Variants in TMEM101 observed in about 807,000 individuals in gnomAD.
TMEM101 encodes putative NF-kappa-B-activating protein 130.
TMEM101 carries 14 observed loss-of-function variants against 26.0 expected under a neutral mutation model. The ratio of observed to expected loss-of-function variants is 0.54; its 90% CI spans 0.36 to 0.84. TMEM101 has a LOEUF of 0.84. Among genes scored for constraint, TMEM101 ranks in the 40% least tolerant of loss-of-function variants. TMEM101 has a pLI of 0.01. For synonymous variants in TMEM101, 152 were observed against 145.1 expected, an observed-to-expected ratio of 1.05 and a Z score of -0.34; for missense variants, 292 against 345.1, an observed-to-expected ratio of 0.85 and a Z score of 1.22.
At chr17:44,017,380 C>G (rs1370145750), upstream of TMEM101, among the ~76,000 whole-genome samples, 4 of 151,230 alleles carry the variant, frequency 2.6e-5, no homozygotes, top group Admixed American at 6.6e-5. Flanking sequence ...ATCACGAGGT[C>G]AGGAGATCGA....
At chr17:44,020,110 T>C (rs1285201574) in intron 2 of TMEM101, among the ~76,000 whole-genome samples, 1 of 152,166 alleles carries the variant, frequency 6.6e-6, no homozygotes, top group African/African-American at 2.4e-5. Context: ...GGGAGAATAC[T>C]GTGATAGGGT....
At chr17:44,017,150 C>G (rs1371607187), upstream of TMEM101, among the ~76,000 whole-genome samples, 1 of 62,112 alleles carries the variant, frequency 1.6e-5, no homozygotes, top group East Asian at 8.7e-4. Flanking sequence ...GAGACTCTGT[C>G]TCAAAAAAAA....
chr17:44,017,270 G>A (rs2631307), upstream of TMEM101, among the ~76,000 whole-genome samples: 117,730 of 151,690 alleles, frequency 0.78, 46,271 homozygotes, highest in East Asian at 0.93. Context: ...CGAGACCAGC[G>A]TGGCCAACAT....
chr17:44,014,470 T>C lies in TMEM101; in HGVS notation c.205A>G (p.Met69Val), dbSNP rs762678716. 2.0e-5 allele frequency: 31 copies of C among 1,564,008 alleles called. No homozygotes were observed. Among genetic ancestry groups the C allele is most frequent in the African/African-American group, 2.7e-5 (2 of 74,098 alleles). ...CAGCGCCGCTTCACGCCAAAGGACA[T>C]GAAACTAGCGCACAGCACGGCTGCC... ...MGAAVLCASF[M>V]SFGVKRRWFA... Residue 69 changes from methionine (M) to valine (V), a missense_variant, in exon 2 of 4, where the codon ATG becomes GTG. Met to Val is a conservative substitution (Grantham distance 21, BLOSUM62 1). Around this residue, in one of 2 missense-constraint regions of TMEM101, gnomAD observed 143 missense variants for 133.2 expected, o/e 1.07. Transcript: ENST00000206380.
chr17:44,013,502 T>C (rs2049188345), intron 2 of TMEM101, among the ~76,000 whole-genome samples: 1 of 151,898 alleles, frequency 6.6e-6, no homozygotes. Context: ...CTACTGAAAA[T>C]ACAAAAATTA....
At chr17:44,014,616 C>G in intron 1 of TMEM101, 79 bp from the exon 2 acceptor site, 1 of 1,536,686 alleles carries the variant, frequency 6.5e-7, no homozygotes, top group Middle Eastern at 1.7e-4. Flanking sequence ...TGAGTTCCCA[C>G]AGGCTCCACT....
rs376217995 is a variant in TMEM101, at chr17:44,012,463, G to A, written c.466-227C>T. On this transcript the variant is annotated intron_variant, in intron 3 of 3. Transcript: ENST00000206380. ...TCACCCTAGGGGCTATGAAGGAAGT[G>A]TATTTCCACAGTCAGACTAGAGCTC... The A allele has an allele frequency of 1.1e-4, 64 of 557,982 alleles. 1 individual carries two copies. The highest frequency in any genetic ancestry group is 9.9e-4 in the East Asian group (34 of 34,298). 34.6% of individuals were successfully genotyped at this position (557,982 alleles called of 1,614,324 possible). A position where few individuals can be genotyped will look rare whatever the true frequency, so the allele number is the denominator to read the frequency against.
chr17:44,019,050 A>G (rs1386342868), upstream of TMEM101, among the ~76,000 whole-genome samples: 1 of 152,068 alleles, frequency 6.6e-6, no homozygotes, highest in East Asian at 1.9e-4. Flanking sequence ...AGTTCCTCCT[A>G]CCCCTGCCTA....
At chr17:44,012,564 C>G (rs948574770) in intron 3 of TMEM101, 5 of 399,430 alleles carry the variant, frequency 1.3e-5, no homozygotes, top group African/African-American at 1.0e-4. Flanking sequence ...ACCTAATGGC[C>G]TGGCGCCTGT....
intron 2 of TMEM101, among the ~76,000 whole-genome samples, chr17:44,020,703 CAG>C (rs1427779510): frequency 6.6e-6 from 1 of 152,236 alleles, no homozygotes; most frequent in Non-Finnish European, 1.5e-5. Flanking sequence ...GCCTGGGCGA[CAG>C]AGAGACACTC....
At position 44,014,418 on chromosome 17, in the gene TMEM101, A is replaced by G; in HGVS notation, c.257T>C (p.Leu86Ser). The G allele has an allele frequency of 2.6e-6, 4 of 1,556,780 alleles. No homozygotes were observed. The highest frequency in any genetic ancestry group is 2.6e-6 in the Non-Finnish European group (3 of 1,149,772). Reference sequence around the variant, plus strand: ...GTAGGCGGCGTAGGTGCTAATGGCCAATTGGAGTGCGGCCCCCAGCGCGAA... The same window carrying G: ...GTAGGCGGCGTAGGTGCTAATGGCCGATTGGAGTGCGGCCCCCAGCGCGAA... ...RWFALGAALQLAISTYAAYIG... is the reference protein window; with the variant it reads ...RWFALGAALQSAISTYAAYIG... The change falls in exon 2 of 4, where the codon TTG becomes TCG. Residue 86 changes from leucine (L) to serine (S), a missense_variant. By Grantham distance (145) the Leu-to-Ser change is moderately radical. Around this residue, in one of 2 missense-constraint regions of TMEM101, gnomAD observed 143 missense variants for 133.2 expected, o/e 1.07. Coordinates refer to ENST00000206380, the MANE Select transcript of TMEM101 (RefSeq NM_032376.4).
chr17:44,021,858 G>A (rs1249160963), intron 1 of TMEM101, among the ~76,000 whole-genome samples: 2 of 152,190 alleles, frequency 1.3e-5, no homozygotes, highest in Non-Finnish European at 2.9e-5. Flanking sequence ...GCCGGCCTCT[G>A]GCAGCTTCCA....
chr17:44,017,605 A>C (rs1358062289), upstream of TMEM101, among the ~76,000 whole-genome samples: 6 of 150,346 alleles, frequency 4.0e-5, no homozygotes, highest in African/African-American at 1.2e-4. Context: ...AAAAAAAAAA[A>C]AAAAAAAAAA....
Position 44,012,180 on chromosome 17 carries a change from T to G in TMEM101, c.522A>C (p.Pro174=). The G allele has an allele frequency of 2.5e-6, 4 of 1,614,164 alleles. No homozygotes were observed. The highest frequency in any genetic ancestry group is 3.4e-6 in the Non-Finnish European group (4 of 1,180,016). ...ACAGCTGGATCATCAGCTCCCCTCC[T>G]GGGAGATGGTTCAGATACGCCAGCC... ...EDRLAYLNHL[P]GGELMIQLFF... is the part of the protein sequence containing the mutation. Residue 174 remains proline, a synonymous_variant, in exon 4 of 4, where the codon CCA becomes CCC. Transcript: ENST00000206380.
chr17:44,016,100 TAG>T (rs1048943863), upstream of TMEM101, among the ~76,000 whole-genome samples: 4 of 136,854 alleles, frequency 2.9e-5, no homozygotes, highest in Non-Finnish European at 4.5e-5. Context: ...GGCAATTAGA[TAG>T]ATAGATAGAT....
At chr17:44,016,957 ACC>A (rs1332703322), upstream of TMEM101, among the ~76,000 whole-genome samples, 1 of 151,700 alleles carries the variant, frequency 6.6e-6, no homozygotes, top group East Asian at 1.9e-4. Context: ...AGATGGTGAA[ACC>A]CCGTCTCTAC....
chr17:44,020,675 T>C (rs1035884444), intron 2 of TMEM101, among the ~76,000 whole-genome samples: 2 of 152,338 alleles, frequency 1.3e-5, no homozygotes, highest in African/African-American at 4.8e-5. Context: ...TGAGCCAAGA[T>C]CGTGCCACTG....
chr17:44,019,339 G>A (rs1451724051), upstream of TMEM101: 2 of 436,032 alleles, frequency 4.6e-6, no homozygotes, highest in Non-Finnish European at 9.1e-6. Flanking sequence ...TTCACCACCA[G>A]ACTAGGAAAC....
upstream of TMEM101, among the ~76,000 whole-genome samples, chr17:44,015,521 G>A (rs187629410): frequency 3.5e-4 from 53 of 152,264 alleles, no homozygotes; most frequent in African/African-American, 1.1e-3. Flanking sequence ...AGCCTCCTGA[G>A]TAGCTGAGAC....
Sources: gnomAD v4.1 joint callset for allele counts (sites outside exome capture counted in the v4.1 genomes callset) on GRCh38, gnomAD v4.1.1 for gene constraint, gnomAD v4.1.1 regional missense constraint, MANE v1.5 for transcripts, NCBI Gene and HGNC (gene_info 2026-07-23, HGNC 2026-07-21) for gene names.